The following PXDC1 variants were observed in gnomAD, a reference collection of about 807,000 sequenced individuals.
PXDC1 encodes the protein PX domain-containing protein 1.
In PXDC1, 13 loss-of-function variants were observed where a neutral mutation model predicts 24.4. That is an observed-to-expected ratio of 0.53 (90% CI 0.35 to 0.85). The LOEUF (loss-of-function observed/expected upper bound fraction) is 0.85. Among genes scored for constraint, PXDC1 ranks in the 40% least tolerant of loss-of-function variants. The pLI is 0.01. For synonymous variants in PXDC1, 162 were observed against 124.9 expected, an observed-to-expected ratio of 1.30 and a Z score of -1.98; for missense variants, 344 against 309.3, an observed-to-expected ratio of 1.11 and a Z score of -0.84.
At chr6:3,732,506 T>C (rs1430913684) in intron 3 of PXDC1, among the ~76,000 whole-genome samples, 1 of 152,218 alleles carries the variant, frequency 6.6e-6, no homozygotes, top group African/African-American at 2.4e-5. Context: ...AGTTGCCAGA[T>C]CGAAGCTGAG....
chr6:3,751,549 G>A lies in PXDC1; in HGVS notation c.-18C>T, dbSNP rs746474743. ...GAGGCCATGTCGCACGCATGCCCCCGCCAAGGGCTCCCCAGCCCCGCCGCC... is the reference window on the plus strand; with the variant it reads ...GAGGCCATGTCGCACGCATGCCCCCACCAAGGGCTCCCCAGCCCCGCCGCC... On this transcript the variant is annotated 5_prime_UTR_variant, in exon 1 of 5. Transcript: ENST00000380283. The A allele has an allele frequency of 6.3e-5, 97 of 1,546,572 alleles. No individual in the cohort carries two copies. The highest frequency in any genetic ancestry group is 1.7e-4 in the Admixed American group (9 of 53,956).
Position 3,737,603 on chromosome 6 carries a change from GC to G in PXDC1, c.349-408del. 1 of 967,872 alleles carries G rather than the reference GC, an allele frequency of 1.0e-6. No individual in the cohort carries two copies. Among genetic ancestry groups the G allele is most frequent in the Non-Finnish European group, 1.2e-6 (1 of 813,898 alleles). 60.0% of individuals were successfully genotyped at this position (967,872 alleles called of 1,614,324 possible). On this transcript the variant is annotated intron_variant, in intron 2 of 4. Transcript: ENST00000380283. The surrounding 1 kb of genome is among the most constrained non-coding windows in gnomAD (Gnocchi z 5.5). The stretch of plus-strand genomic sequence containing the variant: ...GTTCTTAACCACCACTCACGACGAA[GC>G]CCGCAGGCTTACATGGAAAGGGAGT...
At chr6:3,740,709 G>A (rs1220723918) in intron 1 of PXDC1, among the ~76,000 whole-genome samples, 1 of 152,018 alleles carries the variant, frequency 6.6e-6, no homozygotes, top group African/African-American at 2.4e-5. Context: ...GCCTCCAGGT[G>A]AGCTGTCCTC....
At chr6:3,734,787 A>AT (rs1402314732) in intron 3 of PXDC1, among the ~76,000 whole-genome samples, 1 of 152,082 alleles carries the variant, frequency 6.6e-6, no homozygotes, top group Non-Finnish European at 1.5e-5. Context: ...AGGAATAGAA[A>AT]AAAAAATCAA....
intron 1 of PXDC1, among the ~76,000 whole-genome samples, chr6:3,745,422 A>G (rs894341681): frequency 6.6e-6 from 1 of 152,236 alleles, no homozygotes; most frequent in Non-Finnish European, 1.5e-5. Flanking sequence ...CGGTACTCAC[A>G]ACGGCCCTGC....
At chr6:3,744,086 G>A (rs1191877068) in intron 1 of PXDC1, among the ~76,000 whole-genome samples, 2 of 152,196 alleles carry the variant, frequency 1.3e-5, no homozygotes, top group African/African-American at 4.8e-5. Flanking sequence ...GCTCTGCTCT[G>A]CTCTTCCCGT....
chr6:3,725,518 T>C lies in PXDC1; in HGVS notation c.579-1782A>G, dbSNP rs1254301427. Among the ~76,000 whole-genome samples, 1 of 152,184 alleles carries C rather than the reference T, an allele frequency of 6.6e-6. No homozygotes were observed. The highest frequency in any genetic ancestry group is 2.4e-5 in the African/African-American group (1 of 41,450). ...CCTGGCACTGGTGCCCACTTGCCCC[T>C]GGGGCCAGACTCGGGGCAGCCTGCT... On this transcript the variant is annotated intron_variant, in intron 4 of 4. Coordinates refer to ENST00000380283, the MANE Select transcript of PXDC1 (RefSeq NM_183373.4). The surrounding 1 kb of genome is among the most constrained non-coding windows in gnomAD (Gnocchi z 4.8).
In PXDC1 at chr6:3,724,277, C is replaced by T. The variant is rs1236331944; in HGVS notation, c.579-541G>A. Among the ~76,000 whole-genome samples, 1 of 151,998 alleles carries T rather than the reference C, an allele frequency of 6.6e-6. No homozygotes were observed. The highest frequency in any genetic ancestry group is 1.5e-5 in the Non-Finnish European group (1 of 67,978). ...TAGCGGGGAAGCCTGCATGTGGGTA[C>T]GTGTTTCATTCGCGCTCTGGCAGAT... On this transcript the variant is annotated intron_variant, in intron 4 of 4. Coordinates refer to ENST00000380283, the MANE Select transcript of PXDC1 (RefSeq NM_183373.4). The surrounding 1 kb of genome is among the most constrained non-coding windows in gnomAD (Gnocchi z 4.5).
At chr6:3,739,573 C>T (rs992780081) in intron 1 of PXDC1, among the ~76,000 whole-genome samples, 10 of 152,254 alleles carry the variant, frequency 6.6e-5, no homozygotes, top group South Asian at 4.1e-4. Context: ...CCTCTGTCCA[C>T]GTGGCCTGTG....
In PXDC1 at chr6:3,723,708, C is replaced by G. The variant is rs368727869; in HGVS notation, c.607G>C (p.Glu203Gln). ...LFENGSEFPSELEDGDDPAAY... is the reference protein window; with the variant it reads ...LFENGSEFPSQLEDGDDPAAY... ...GCTGGGTCGTCCCCGTCCTCCAGCT[C>G]TGAGGGAAACTCACTGCCATTCTCA... The change falls in exon 5 of 5, where the codon GAG becomes CAG. Residue 203 changes from glutamate (E) to glutamine (Q), a missense_variant. Glu to Gln is a conservative substitution (Grantham distance 29). Coordinates refer to ENST00000380283, the MANE Select transcript of PXDC1 (RefSeq NM_183373.4). 88 of 1,614,048 alleles carry G rather than the reference C, an allele frequency of 5.5e-5. No individual in the cohort carries two copies. The highest frequency in any genetic ancestry group is 7.2e-5 in the Non-Finnish European group (85 of 1,180,014).
At chr6:3,739,592 C>A (rs1367586029) in intron 1 of PXDC1, among the ~76,000 whole-genome samples, 1 of 152,242 alleles carries the variant, frequency 6.6e-6, no homozygotes, top group African/African-American at 2.4e-5. Context: ...TGCCTACGCC[C>A]AAGCACGATG....
chr6:3,723,984 C>A (rs1410969179), intron 4 of PXDC1, among the ~76,000 whole-genome samples: 1 of 152,212 alleles, frequency 6.6e-6, no homozygotes, highest in Non-Finnish European at 1.5e-5. Flanking sequence ...TTCCTTCATT[C>A]ATGGAGTGCT....
intron 1 of PXDC1, among the ~76,000 whole-genome samples, chr6:3,742,557 T>G (rs979657233): frequency 1.3e-5 from 2 of 152,196 alleles, no homozygotes; most frequent in African/African-American, 4.8e-5. Context: ...CTTTCAGGAC[T>G]GACCAGCAGG....
At chr6:3,746,714 C>T (rs1288020241) in intron 1 of PXDC1, among the ~76,000 whole-genome samples, 1 of 152,188 alleles carries the variant, frequency 6.6e-6, no homozygotes, top group African/African-American at 2.4e-5. Flanking sequence ...TTCTGAGCCA[C>T]TGTCACTAAG....
Position 3,728,795 on chromosome 6 carries a change from C to T in PXDC1, c.467-1133G>A, listed in dbSNP as rs577078301. 6.6e-6 allele frequency among the ~76,000 whole-genome samples: 1 copy of T among 152,190 alleles called. No individual in the cohort carries two copies. Among genetic ancestry groups the T allele is most frequent in the Non-Finnish European group, 1.5e-5 (1 of 68,032 alleles). ...GCGTTCGTTTGTATTTTCTGAGGGA[C>T]CGCGTTTCCGTCCCCTCGCTCAGCA... On this transcript the variant is annotated intron_variant, in intron 3 of 4. Coordinates refer to ENST00000380283, the MANE Select transcript of PXDC1 (RefSeq NM_183373.4). The surrounding 1 kb of genome is among the most constrained non-coding windows in gnomAD (Gnocchi z 4.0).
intron 1 of PXDC1, chr6:3,739,012 T>C (rs1305901913): frequency 8.0e-7 from 1 of 1,244,714 alleles, no homozygotes; most frequent in African/African-American, 1.6e-5. Context: ...GTGCCAGAAC[T>C]ATTAATGGCA....
chr6:3,725,904 C>A lies in PXDC1; in HGVS notation c.578+1647G>T, dbSNP rs1760054750. ...GCTTTTCTGGGGTCATGGAGATTTT[C>A]TCGGCCCTCTCTGTGAGCCAGGCAT... On this transcript the variant is annotated intron_variant, in intron 4 of 4. Transcript: ENST00000380283. The surrounding 1 kb of genome is among the most constrained non-coding windows in gnomAD (Gnocchi z 4.8). 6.6e-6 allele frequency among the ~76,000 whole-genome samples: 1 copy of A among 152,184 alleles called. No homozygotes were observed. Among genetic ancestry groups the A allele is most frequent in the African/African-American group, 2.4e-5 (1 of 41,448 alleles).
At chr6:3,733,197 G>A (rs937648433) in intron 3 of PXDC1, among the ~76,000 whole-genome samples, 14 of 152,150 alleles carry the variant, frequency 9.2e-5, no homozygotes, top group Non-Finnish European at 1.6e-4. Context: ...ATATCCTGGA[G>A]AAAGGGGGAC....
rs1453934464 is a variant in PXDC1, at chr6:3,737,606, C to T, written c.349-410G>A. The stretch of plus-strand genomic sequence containing the variant: ...CTTAACCACCACTCACGACGAAGCC[C>T]GCAGGCTTACATGGAAAGGGAGTTG... On this transcript the variant is annotated intron_variant, in intron 2 of 4. Transcript: ENST00000380283. The surrounding 1 kb of genome is among the most constrained non-coding windows in gnomAD (Gnocchi z 5.5). 5.1e-6 allele frequency: 5 copies of T among 973,560 alleles called. No individual in the cohort carries two copies. The highest frequency in any genetic ancestry group is 3.5e-5 in the African/African-American group (2 of 56,972). The allele number at this position is 973,560 out of a possible 1,614,324, so 60.3% of individuals were successfully genotyped here.
Sources: gnomAD v4.1 joint callset for allele counts (sites outside exome capture counted in the v4.1 genomes callset) on GRCh38, gnomAD v4.1.1 for gene constraint, Gnocchi (gnomAD v3.1) non-coding constraint, MANE v1.5 for transcripts, NCBI Gene and HGNC (gene_info 2026-07-23, HGNC 2026-07-21) for gene names.